Variants in FKBP6 observed in about 807,000 individuals in gnomAD.
FKBP6 encodes inactive peptidyl-prolyl cis-trans isomerase FKBP6.
In FKBP6, 29 loss-of-function variants were observed where a neutral mutation model predicts 41.7. That is an observed-to-expected ratio of 0.70 (90% CI 0.52 to 0.95). The LOEUF (loss-of-function observed/expected upper bound fraction) is 0.95, where lower values mean the gene tolerates loss of function less well. Ranked by LOEUF, FKBP6 falls within the 40% of genes least tolerant of loss-of-function variation. The pLI is 0.00. For synonymous variants in FKBP6, 130 were observed against 165.1 expected (o/e 0.79, Z 1.63); for missense variants, 338 against 408.7 (o/e 0.83, Z 1.49).
chr7:73,334,389 T>C lies in FKBP6; in HGVS notation c.588+2613T>C, dbSNP rs540656330. Among the ~76,000 whole-genome samples the C allele has an allele frequency of 2.9e-5, 4 of 137,594 alleles. No homozygotes were observed. The East Asian group carries it at 1.0e-3, about 35-fold the overall frequency. 90.3% of individuals were successfully genotyped at this position (137,594 alleles called of 152,430 possible). A position where few individuals can be genotyped will look rare whatever the true frequency, so the allele number is the denominator to read the frequency against. On this transcript the variant is annotated intron_variant, in intron 5 of 8. Transcript: ENST00000252037. ...TCCTGCACTGAGCTTCTGGCTGCTGTCCCTCCCCCCTCCCCACCTAGTTTC... is the reference window on the plus strand; with the variant it reads ...TCCTGCACTGAGCTTCTGGCTGCTGCCCCTCCCCCCTCCCCACCTAGTTTC...
intron 8 of FKBP6, among the ~76,000 whole-genome samples, chr7:73,345,192 G>C (rs1554550106): frequency 6.7e-6 from 1 of 150,126 alleles, no homozygotes; most frequent in Non-Finnish European, 1.5e-5. Context: ...GGTATTGCCA[G>C]GGACAGAAAC....
chr7:73,332,357 C>T (rs1252525218), intron 5 of FKBP6, among the ~76,000 whole-genome samples: 1 of 151,812 alleles, frequency 6.6e-6, no homozygotes, highest in Non-Finnish European at 1.5e-5. Context: ...GTGGTGGGTG[C>T]CTGTAATCCC....
At chr7:73,345,852 C>A (rs1334647055) in intron 8 of FKBP6, among the ~76,000 whole-genome samples, 1 of 152,054 alleles carries the variant, frequency 6.6e-6, no homozygotes, top group Non-Finnish European at 1.5e-5. Context: ...CATCTGTTCC[C>A]GGGCCACTCC....
chr7:73,328,221 A>G lies in FKBP6; in HGVS notation c.-208A>G. 2 of 1,548,972 alleles carry G rather than the reference A, an allele frequency of 1.3e-6. No individual in the cohort carries two copies. The highest frequency in any genetic ancestry group is 1.2e-5 in the South Asian group (1 of 83,974). Reference sequence around the variant, plus strand: ...TCGCACCTCACCGCGTGGCCTCTGTAGTTCCAGAGCTCGCGAGGGCCAGGG... The same window carrying G: ...TCGCACCTCACCGCGTGGCCTCTGTGGTTCCAGAGCTCGCGAGGGCCAGGG... On this transcript the variant is annotated 5_prime_UTR_variant, in exon 1 of 9. Transcript: ENST00000252037.
chr7:73,340,502 ACTT>A, intron 5 of FKBP6, 133 bp from the exon 6 acceptor site: 1 of 721,178 alleles, frequency 1.4e-6, no homozygotes, highest in Admixed American at 2.0e-5. Context: ...AATATACCTG[ACTT>A]CTTATGTTGA....
chr7:73,350,554 C>T (rs1315973942), intron 8 of FKBP6, among the ~76,000 whole-genome samples: 3 of 152,012 alleles, frequency 2.0e-5, no homozygotes, highest in Non-Finnish European at 2.9e-5. Flanking sequence ...TTGCTTTTTC[C>T]GTTGAAGAGA....
intron 8 of FKBP6, among the ~76,000 whole-genome samples, chr7:73,349,208 G>A (rs1554550745): frequency 1.3e-5 from 2 of 151,500 alleles, no homozygotes; most frequent in African/African-American, 4.9e-5. Flanking sequence ...TCAGGAGTTC[G>A]AGACCAGCCT....
chr7:73,342,162 G>A (rs1394754566), intron 7 of FKBP6, among the ~76,000 whole-genome samples: 1 of 152,120 alleles, frequency 6.6e-6, no homozygotes, highest in Non-Finnish European at 1.5e-5. Context: ...TTTTAGTGAT[G>A]TAATTTTTTC....
In FKBP6 at chr7:73,329,360, T is replaced by C. The variant is rs782292341; in HGVS notation, c.176T>C (p.Val59Ala). Residue 59 changes from valine to alanine, a missense_variant and splice_region_variant, in exon 3 of 9, where the codon GTG becomes GCG. Transcript: ENST00000252037. ...DLVAPDASVL[V>A]KYSGYLEHMD... ...CCTTACATTCTTTCTTCTATCCTAGTGAAATACTCGGGATACCTGGAACAC... is the reference window on the plus strand; with the variant it reads ...CCTTACATTCTTTCTTCTATCCTAGCGAAATACTCGGGATACCTGGAACAC... The C allele has an allele frequency of 6.3e-7, 1 of 1,579,936 alleles. No individual in the cohort carries two copies. The highest frequency in any genetic ancestry group is 8.7e-7 in the Non-Finnish European group (1 of 1,148,892).
intron 5 of FKBP6, among the ~76,000 whole-genome samples, chr7:73,335,655 C>G (rs1256798994): frequency 6.6e-6 from 1 of 152,130 alleles, no homozygotes; most frequent in Non-Finnish European, 1.5e-5. Context: ...CTCCTTTATT[C>G]AGCCCCACCA....
intron 8 of FKBP6, among the ~76,000 whole-genome samples, chr7:73,348,759 G>T (rs891363889): frequency 9.2e-5 from 14 of 152,170 alleles, no homozygotes. Context: ...ATGGTGCTCA[G>T]AACTCAGAAA....
Position 73,329,358 on chromosome 7 carries a change from A to G in FKBP6, c.176-2A>G. 3 of 1,565,764 alleles carry G rather than the reference A, an allele frequency of 1.9e-6. No individual in the cohort carries two copies. The highest frequency in any genetic ancestry group is 2.2e-5 in the East Asian group (1 of 44,676). ...TTCCTTACATTCTTTCTTCTATCCTAGTGAAATACTCGGGATACCTGGAAC... is the reference window on the plus strand; with the variant it reads ...TTCCTTACATTCTTTCTTCTATCCTGGTGAAATACTCGGGATACCTGGAAC... On this transcript the variant is annotated splice_acceptor_variant, in intron 2 of 8. Coordinates refer to ENST00000252037, the MANE Select transcript of FKBP6 (RefSeq NM_003602.5). LOFTEE classifies it high-confidence loss of function.
At chr7:73,345,593 T>G (rs559336610) in intron 8 of FKBP6, among the ~76,000 whole-genome samples, 1 of 152,202 alleles carries the variant, frequency 6.6e-6, no homozygotes, top group Non-Finnish European at 1.5e-5. Flanking sequence ...GAGGCCCTTG[T>G]GATCATTTTA....
chr7:73,344,233 G>A (rs1554549999), intron 8 of FKBP6, among the ~76,000 whole-genome samples: 1 of 152,190 alleles, frequency 6.6e-6, no homozygotes, highest in East Asian at 1.9e-4. Context: ...GAAGACCCAG[G>A]TCTGCCAGGG....
rs369165159 is a variant in FKBP6, at chr7:73,345,389, A to G, written c.*2+2490A>G. On this transcript the variant is annotated intron_variant, in intron 8 of 8. Coordinates refer to ENST00000252037, the MANE Select transcript of FKBP6 (RefSeq NM_003602.5). ...TTTTCTCCCCCTGTAGGGAGTGCCC[A>G]TACATCCCTTTCTGCAACCTCCTCC... Among the ~76,000 whole-genome samples, 9 of 152,144 alleles carry G rather than the reference A, an allele frequency of 5.9e-5. No homozygotes were observed. The South Asian group carries it at 1.0e-3, about 18-fold the overall frequency.
At chr7:73,341,664 CTTT>C (rs5884907) in intron 7 of FKBP6, among the ~76,000 whole-genome samples, 3 of 134,254 alleles carry the variant, frequency 2.2e-5, no homozygotes, top group Non-Finnish European at 4.8e-5. Flanking sequence ...GAGGGTGTCA[CTTT>C]TTTTTTTTTT....
intron 8 of FKBP6, among the ~76,000 whole-genome samples, chr7:73,349,543 A>T (rs1554550808): frequency 7.0e-6 from 1 of 142,572 alleles, no homozygotes. Context: ...CTCTACTAAA[A>T]TACAAAAAAA....
At chr7:73,343,342 C>CT (rs1302599680) in intron 8 of FKBP6, among the ~76,000 whole-genome samples, 44 of 151,060 alleles carry the variant, frequency 2.9e-4, no homozygotes, top group East Asian at 1.8e-3. Flanking sequence ...TTTAAAAAAC[C>CT]TTTTTTTTTC....
chr7:73,338,897 A>G (rs187928278), intron 5 of FKBP6, among the ~76,000 whole-genome samples: 2 of 152,332 alleles, frequency 1.3e-5, no homozygotes, highest in Admixed American at 6.5e-5. Flanking sequence ...AGGATGCGCA[A>G]ATGCTCTATG....
Sources: gnomAD v4.1 joint callset for allele counts (sites outside exome capture counted in the v4.1 genomes callset) on GRCh38, gnomAD v4.1.1 for gene constraint, MANE v1.5 for transcripts, NCBI Gene and HGNC (gene_info 2026-07-23, HGNC 2026-07-21) for gene names.